The following CHP1 variants were observed in gnomAD, a reference collection of about 807,000 sequenced individuals.
The protein encoded by CHP1 is calcineurin B homologous protein 1.
A neutral mutation model predicts 27.4 loss-of-function variants in CHP1; 11 were observed. That is an observed-to-expected ratio of 0.40 (90% CI 0.25 to 0.67). CHP1 has a LOEUF of 0.67. Among genes scored for constraint, CHP1 ranks in the 30% least tolerant of loss-of-function variants. The pLI is 0.38. For missense variants in CHP1, 169 were observed against 251.3 expected, an observed-to-expected ratio of 0.67 and a Z score of 2.22; for synonymous variants, 89 against 87.4, an observed-to-expected ratio of 1.02 and a Z score of -0.10.
At position 41,266,056 on chromosome 15, in the gene CHP1, G is replaced by GTC. The variant is rs971442791; in HGVS notation, c.349+3173_349+3174insTC. Among the ~76,000 whole-genome samples, 205 of 152,200 alleles carry GTC rather than the reference G, an allele frequency of 1.3e-3. 1 individual carries two copies. The highest frequency in any genetic ancestry group is 4.7e-3 in the African/African-American group (197 of 41,542). On this transcript the variant is annotated intron_variant, in intron 4 of 6. Transcript: ENST00000334660. ...CCCAGCACTTTGGGAGGCCGAGGTG[G>GTC]GTGGATCACCTGAGGTCAGGAGTTC... is the stretch of plus-strand genomic sequence containing the variant.
At chr15:41,236,488 C>T (rs2047277665) in intron 1 of CHP1, among the ~76,000 whole-genome samples, 1 of 152,028 alleles carries the variant, frequency 6.6e-6, no homozygotes, top group African/African-American at 2.4e-5. Flanking sequence ...TCTTGAACTC[C>T]TGAGTTCAGG....
chr15:41,266,016 G>C (rs1478068615), intron 4 of CHP1, among the ~76,000 whole-genome samples: 2 of 152,104 alleles, frequency 1.3e-5, no homozygotes, highest in Non-Finnish European at 2.9e-5. Context: ...AGGCGCGGTG[G>C]CTCATGCCTG....
chr15:41,246,624 C>CT (rs561426550), intron 2 of CHP1, among the ~76,000 whole-genome samples: 676 of 57,322 alleles, frequency 0.012, 22 homozygotes, highest in South Asian at 0.018. Flanking sequence ...GGCCAAAAAG[C>CT]TTTTTTTTTT....
intron 3 of CHP1, among the ~76,000 whole-genome samples, chr15:41,262,295 C>T (rs1441451201): frequency 6.6e-6 from 1 of 151,652 alleles, no homozygotes; most frequent in Non-Finnish European, 1.5e-5. Flanking sequence ...CATAATGTGC[C>T]TTAATTTTAA....
At chr15:41,248,565 C>T (rs1405453713) in intron 2 of CHP1, among the ~76,000 whole-genome samples, 1 of 152,134 alleles carries the variant, frequency 6.6e-6, no homozygotes, top group African/African-American at 2.4e-5. Flanking sequence ...TGTACCTGGC[C>T]TGAAAGCTCT....
chr15:41,279,698 A>G lies in CHP1; in HGVS notation c.*309A>G, dbSNP rs1232705831. The G allele has an allele frequency of 8.0e-5, 25 of 312,604 alleles. No individual in the cohort carries two copies. In the Admixed American group the frequency reaches 1.0e-3, roughly 13 times the overall value. 19.4% of individuals were successfully genotyped at this position (312,604 alleles called of 1,614,324 possible). A position where few individuals can be genotyped will look rare whatever the true frequency, so the allele number is the denominator to read the frequency against. The stretch of plus-strand genomic sequence containing the variant: ...CCAGTCTGAGAAAGTGAGAGAGGCA[A>G]TCATGCCAAGAACAAGCCAGCAAAG... On this transcript the variant is annotated 3_prime_UTR_variant, in exon 7 of 7. Transcript: ENST00000334660.
chr15:41,232,647 A>G (rs2047257254), intron 1 of CHP1, among the ~76,000 whole-genome samples: 1 of 152,152 alleles, frequency 6.6e-6, no homozygotes, highest in South Asian at 2.1e-4. Flanking sequence ...GTATGATACA[A>G]TTGTATTGAT....
intron 4 of CHP1, among the ~76,000 whole-genome samples, chr15:41,265,861 G>C (rs112410549): frequency 9.2e-5 from 14 of 152,136 alleles, no homozygotes; most frequent in Admixed American, 3.3e-4. Flanking sequence ...TTTTAATCAC[G>C]ATCAGCAAGG....
chr15:41,256,785 T>TAA, intron 2 of CHP1, 125 bp from the exon 3 acceptor site: 1 of 756,092 alleles, frequency 1.3e-6, no homozygotes, highest in Non-Finnish European at 2.3e-6. Context: ...TTTGGTATAA[T>TAA]TTGCCACAGA....
intron 2 of CHP1, among the ~76,000 whole-genome samples, chr15:41,249,565 C>T (rs867349798): frequency 1.4e-5 from 2 of 146,956 alleles, no homozygotes; most frequent in African/African-American, 2.6e-5. Flanking sequence ...CTCCGCCTCC[C>T]GGGTTCATGC....
At chr15:41,275,053 C>T (rs2047512964) in intron 5 of CHP1, among the ~76,000 whole-genome samples, 2 of 151,692 alleles carry the variant, frequency 1.3e-5, no homozygotes, top group Admixed American at 1.3e-4. Flanking sequence ...CTCCCAAAGT[C>T]CTGGGATTAC....
At chr15:41,266,123 A>C (rs2047458875) in intron 4 of CHP1, among the ~76,000 whole-genome samples, 1 of 152,058 alleles carries the variant, frequency 6.6e-6, no homozygotes, top group South Asian at 2.1e-4. Context: ...GTCTCTTCTA[A>C]AAATACAAAA....
intron 4 of CHP1, chr15:41,264,118 T>C: frequency 9.9e-7 from 1 of 1,009,410 alleles, no homozygotes; most frequent in South Asian, 1.4e-5. Context: ...ACATGGCAGC[T>C]CTCAGTTGTT....
At chr15:41,270,763 C>G (rs2047484613) in intron 5 of CHP1, 145 bp downstream of exon 5, 1 of 631,144 alleles carries the variant, frequency 1.6e-6, no homozygotes, top group Non-Finnish European at 2.7e-6. Flanking sequence ...AAGGAGATGA[C>G]CTGGGAAAAC....
chr15:41,264,291 CGAG>C, intron 4 of CHP1: 1 of 1,001,264 alleles, frequency 1.0e-6, no homozygotes, highest in Non-Finnish European at 1.3e-6. Flanking sequence ...GTGCGAGTGC[CGAG>C]GAGATTAGGC....
intron 4 of CHP1, chr15:41,264,227 G>A (rs770584946): frequency 1.9e-5 from 24 of 1,285,874 alleles, no homozygotes; most frequent in Admixed American, 2.3e-5. Flanking sequence ...CTCCTCCCAA[G>A]CATGGAATGT....
At chr15:41,241,277 G>T (rs1465171826) in intron 1 of CHP1, among the ~76,000 whole-genome samples, 1 of 152,266 alleles carries the variant, frequency 6.6e-6, no homozygotes, top group African/African-American at 2.4e-5. Flanking sequence ...GAAAACGGTT[G>T]TAACTGGCAA....
chr15:41,231,530 G>A (rs2047242066), intron 1 of CHP1, 81 bp downstream of exon 1: 3 of 1,384,320 alleles, frequency 2.2e-6, no homozygotes, highest in Non-Finnish European at 3.0e-6. Flanking sequence ...AAGGTCTGGA[G>A]CTCGGGTGCC....
chr15:41,254,750 G>A (rs538737796), intron 2 of CHP1, among the ~76,000 whole-genome samples: 16 of 152,212 alleles, frequency 1.1e-4, no homozygotes, highest in Non-Finnish European at 1.9e-4. Flanking sequence ...TAAGCACCAC[G>A]TAAACGTTAA....
Sources: allele counts gnomAD v4.1 joint callset (sites outside exome capture counted in the v4.1 genomes callset), GRCh38; gene constraint gnomAD v4.1.1; transcripts MANE v1.5; gene names NCBI Gene and HGNC (gene_info 2026-07-23, HGNC 2026-07-21).